The following CDC42BPB variants were observed in gnomAD, a reference collection of about 807,000 sequenced individuals.
CDC42BPB encodes the protein serine/threonine-protein kinase MRCK beta.
In CDC42BPB, 37 loss-of-function variants were observed where a neutral mutation model predicts 214.9. The ratio of observed to expected loss-of-function variants is 0.17; its 90% CI spans 0.13 to 0.23. The LOEUF is 0.23. Ranked by LOEUF, CDC42BPB falls within the 10% of genes least tolerant of loss-of-function variation. The pLI is 1.00. For missense variants in CDC42BPB, 1,694 were observed against 2,227.0 expected (o/e 0.76, Z 4.82); for synonymous variants, 931 against 884.0 (o/e 1.05, Z -0.94).
chr14:102,976,101 C>T, intron 9 of CDC42BPB, 52 bp from the exon 10 acceptor site: 1 of 1,593,170 alleles, frequency 6.3e-7, no homozygotes, highest in East Asian at 2.2e-5. Flanking sequence ...TTAGCGATTT[C>T]ATTAGCATTT....
At chr14:103,044,763 G>A (rs911234872) in intron 1 of CDC42BPB, among the ~76,000 whole-genome samples, 4 of 147,744 alleles carry the variant, frequency 2.7e-5, no homozygotes, top group African/African-American at 7.5e-5. Context: ...TTCCCACCTC[G>A]GCCTCCCAAA....
At chr14:102,946,783 C>T (rs1365979727) in intron 27 of CDC42BPB, 99 bp from the exon 28 acceptor site, 15 of 1,506,522 alleles carry the variant, frequency 1.0e-5, no homozygotes, top group Admixed American at 8.3e-5. Context: ...CCAGGAGCAA[C>T]GGGGGCTGAT....
At position 102,999,944 on chromosome 14, in the gene CDC42BPB, T is replaced by C. The variant is rs1014440792; in HGVS notation, c.448-231A>G. On this transcript the variant is annotated intron_variant, in intron 4 of 36. Transcript: ENST00000361246. The stretch of plus-strand genomic sequence containing the variant: ...GCAGAGAGTGGACTTCAGTAAGTGA[T>C]GTATTTAATCAATGGGAGGAATGAT... The C allele has an allele frequency of 3.1e-6, 3 of 979,158 alleles. No individual in the cohort carries two copies. The African/African-American group carries it at 5.3e-5, about 17-fold the overall frequency. The allele number at this position is 979,158 out of a possible 1,614,324, so 60.7% of individuals were successfully genotyped here.
chr14:102,964,935 TTTTG>T (rs1484622638), intron 18 of CDC42BPB: 8 of 348,722 alleles, frequency 2.3e-5, no homozygotes, highest in Admixed American at 1.9e-4. Context: ...TTCTTTTTTT[TTTTG>T]TTTGAGATGT....
chr14:103,011,089 G>A (rs1435169955), intron 2 of CDC42BPB, among the ~76,000 whole-genome samples: 1 of 152,228 alleles, frequency 6.6e-6, no homozygotes, highest in East Asian at 1.9e-4. Context: ...ACCACCCGAG[G>A]CGGTACCGCG....
intron 1 of CDC42BPB, among the ~76,000 whole-genome samples, chr14:103,018,475 G>A (rs1886589658): frequency 6.6e-6 from 1 of 152,194 alleles, no homozygotes; most frequent in African/African-American, 2.4e-5. Flanking sequence ...AGATAACAAT[G>A]GTGGCTTAGA....
At chr14:103,018,829 C>T (rs1041952683) in intron 1 of CDC42BPB, among the ~76,000 whole-genome samples, 2 of 152,210 alleles carry the variant, frequency 1.3e-5, no homozygotes, top group African/African-American at 4.8e-5. Context: ...ACTTCGAAAC[C>T]ACCAGCTTCC....
Position 102,947,708 on chromosome 14 carries a change from G to T in CDC42BPB, c.3531+13C>A, listed in dbSNP as rs770888734. On this transcript the variant is annotated intron_variant, in intron 27 of 36. Coordinates refer to ENST00000361246, the MANE Select transcript of CDC42BPB (RefSeq NM_006035.4). ...CATGTGCTTTGTTAAAAAGATTAATGAAAAATTCATACCCTGAATATACAT... is the reference window on the plus strand; with the variant it reads ...CATGTGCTTTGTTAAAAAGATTAATTAAAAATTCATACCCTGAATATACAT... The T allele has an allele frequency of 6.2e-7, 1 of 1,600,804 alleles. No individual in the cohort carries two copies. The highest frequency in any genetic ancestry group is 1.1e-5 in the South Asian group (1 of 90,872).
Position 102,968,604 on chromosome 14 carries a change from C to T in CDC42BPB, c.2108G>A (p.Arg703Lys), listed in dbSNP as rs1377141203. 1 of 1,614,116 alleles carries T rather than the reference C, an allele frequency of 6.2e-7. No homozygotes were observed. The highest frequency in any genetic ancestry group is 1.3e-5 in the African/African-American group (1 of 74,944). Reference protein sequence around the residue: ...KVLFYEEELVRREASHVLEVK... With the variant: ...KVLFYEEELVKREASHVLEVK... ...TTCTAGCACATGGGAGGCCTCACGT[C>T]TGACCAATTCCTCTTCATAAAATAA... The change falls in exon 15 of 37, where the codon AGA (arginine) becomes AAA (lysine). Residue 703 changes from arginine to lysine, a missense_variant. By Grantham distance (26) the Arg-to-Lys change is conservative. Coordinates refer to ENST00000361246, the MANE Select transcript of CDC42BPB (RefSeq NM_006035.4).
At chr14:102,955,775 G>C (rs1379181594) in intron 21 of CDC42BPB, among the ~76,000 whole-genome samples, 1 of 152,230 alleles carries the variant, frequency 6.6e-6, no homozygotes, top group Non-Finnish European at 1.5e-5. Flanking sequence ...AGTGTGATGG[G>C]ACACAGACAT....
intron 1 of CDC42BPB, among the ~76,000 whole-genome samples, chr14:103,035,556 G>A (rs574992510): frequency 1.3e-5 from 2 of 151,908 alleles, no homozygotes; most frequent in South Asian, 4.2e-4. Context: ...AACAAGGCCA[G>A]GCAGCCAGGT....
At chr14:102,946,120 C>T (rs975410049) in intron 28 of CDC42BPB, among the ~76,000 whole-genome samples, 5 of 152,124 alleles carry the variant, frequency 3.3e-5, no homozygotes, top group Admixed American at 6.5e-5. Flanking sequence ...GCTGTTCTCC[C>T]GCCTCAGTCT....
intron 1 of CDC42BPB, among the ~76,000 whole-genome samples, chr14:103,023,431 T>G (rs1032521541): frequency 6.6e-6 from 1 of 151,956 alleles, no homozygotes; most frequent in Non-Finnish European, 1.5e-5. Flanking sequence ...CCTCCCAAAG[T>G]GCTGGGATTA....
chr14:103,049,901 C>T (rs1319169034), intron 1 of CDC42BPB, among the ~76,000 whole-genome samples: 6 of 152,070 alleles, frequency 3.9e-5, no homozygotes, highest in South Asian at 2.1e-4. Flanking sequence ...TTAGTAGAGA[C>T]GGGGTTTCAC....
intron 8 of CDC42BPB, among the ~76,000 whole-genome samples, chr14:102,980,435 G>A (rs986804775): frequency 2.6e-5 from 4 of 152,096 alleles, no homozygotes; most frequent in Admixed American, 6.5e-5. Flanking sequence ...AGAGGTTGCA[G>A]TGAGCTGAGA....
At chr14:103,000,493 C>T (rs1164722084) in intron 4 of CDC42BPB, among the ~76,000 whole-genome samples, 1 of 152,250 alleles carries the variant, frequency 6.6e-6, no homozygotes, top group Non-Finnish European at 1.5e-5. Context: ...CAGGCAAGAC[C>T]ATCACAGCCA....
rs1056905207 is a variant in CDC42BPB at position 102,974,096 on chromosome 14, G to A, written c.1561C>T (p.Arg521Cys). 31 of 1,613,942 alleles carry A rather than the reference G, an allele frequency of 1.9e-5. No individual in the cohort carries two copies. The highest frequency in any genetic ancestry group is 1.8e-4 in the East Asian group (8 of 44,894). Residue 521 changes from arginine (R) to cysteine (C), a missense_variant, in exon 12 of 37, where the codon CGT becomes TGT. This residue lies in a region of CDC42BPB where 462 missense variants were observed against 513.5 expected (regional missense o/e 0.90). Coordinates refer to ENST00000361246, the MANE Select transcript of CDC42BPB (RefSeq NM_006035.4). ...CGCAGCCGCTGCGTGGAGTCCTCAC[G>A]CTCTTGGCGAAGCGCCACTGTGTCC... The part of the protein sequence containing the change: ...LEDTVALRQE[R>C]EDSTQRLRGL...
chr14:103,011,097 G>A (rs761011075), intron 2 of CDC42BPB, among the ~76,000 whole-genome samples: 9 of 152,254 alleles, frequency 5.9e-5, no homozygotes, highest in Non-Finnish European at 8.8e-5. Flanking sequence ...AGGCGGTACC[G>A]CGGCCGCTGA....
chr14:102,934,812 C>T (rs559210368), intron 36 of CDC42BPB, among the ~76,000 whole-genome samples: 6 of 151,946 alleles, frequency 3.9e-5, no homozygotes, highest in African/African-American at 1.2e-4. Flanking sequence ...GAGATTGAGA[C>T]CATCCTAACA....
Sources: gnomAD v4.1 joint callset for allele counts (sites outside exome capture counted in the v4.1 genomes callset) on GRCh38, gnomAD v4.1.1 for gene constraint, gnomAD v4.1.1 regional missense constraint, MANE v1.5 for transcripts, NCBI Gene and HGNC (gene_info 2026-07-23, HGNC 2026-07-21) for gene names.